ADCY2: variants seen among roughly 807,000 people sequenced by gnomAD.
The protein encoded by ADCY2 is adenylate cyclase 2.
A neutral mutation model predicts 125.2 loss-of-function variants in ADCY2; 31 were observed. That is an observed-to-expected ratio of 0.25 (90% CI 0.19 to 0.33). The LOEUF (loss-of-function observed/expected upper bound fraction) is 0.33, where lower values mean the gene tolerates loss of function less well. Among genes scored for constraint, ADCY2 ranks in the 10% least tolerant of loss-of-function variants. The pLI is 1.00. For synonymous variants in ADCY2, 512 were observed against 548.4 expected (o/e 0.93, Z 0.93); for missense variants, 904 against 1,418.2 (o/e 0.64, Z 5.82).
intron 4 of ADCY2, among the ~76,000 whole-genome samples, chr5:7,667,167 GCAGCTACTTC>G (rs1739785375): frequency 6.6e-6 from 1 of 152,106 alleles, no homozygotes; most frequent in Non-Finnish European, 1.5e-5. Context: ...GAGGATTACT[GCAGCTACTTC>G]CAGGCTTTTC....
intron 12 of ADCY2, among the ~76,000 whole-genome samples, chr5:7,721,127 T>G (rs1378282861): frequency 6.6e-6 from 1 of 152,224 alleles, no homozygotes; most frequent in Non-Finnish European, 1.5e-5. Flanking sequence ...TGGTTTTGAT[T>G]TGCATTTCTC....
chr5:7,543,089 C>T (rs1458797671), intron 3 of ADCY2, among the ~76,000 whole-genome samples: 5 of 152,032 alleles, frequency 3.3e-5, no homozygotes, highest in Admixed American at 1.3e-4. Context: ...TTAATACATC[C>T]TATGTTATAT....
At chr5:7,781,662 A>G (rs185413476) in intron 18 of ADCY2, among the ~76,000 whole-genome samples, 2 of 152,288 alleles carry the variant, frequency 1.3e-5, no homozygotes, top group East Asian at 1.9e-4. Flanking sequence ...GAGATGATAC[A>G]TTTGTGTTAT....
intron 3 of ADCY2, among the ~76,000 whole-genome samples, chr5:7,565,032 A>G (rs978895594): frequency 1.3e-5 from 2 of 152,214 alleles, no homozygotes; most frequent in Non-Finnish European, 2.9e-5. Flanking sequence ...TTATCACTTA[A>G]CAAATAGAAA....
chr5:7,454,339 C>T (rs1741586988), intron 2 of ADCY2, among the ~76,000 whole-genome samples: 1 of 152,116 alleles, frequency 6.6e-6, no homozygotes, highest in Admixed American at 6.5e-5. Flanking sequence ...TTTTTATATG[C>T]ACTGGGAAAC....
chr5:7,819,181 T>A (rs1278467883), intron 23 of ADCY2, among the ~76,000 whole-genome samples: 1 of 152,172 alleles, frequency 6.6e-6, no homozygotes, highest in Non-Finnish European at 1.5e-5. Flanking sequence ...CCCACTCACA[T>A]TGAGGGTGGG....
At chr5:7,757,384 A>T (rs940798291) in intron 15 of ADCY2, 65 bp from the exon 16 acceptor site, 36 of 1,570,344 alleles carry the variant, frequency 2.3e-5, no homozygotes, top group Non-Finnish European at 6.1e-6. Context: ...AAACATTGTC[A>T]TCAAGAAACT....
At chr5:7,693,417 T>TG (rs1466629207) in intron 5 of ADCY2, among the ~76,000 whole-genome samples, 2 of 133,124 alleles carry the variant, frequency 1.5e-5, no homozygotes, top group Admixed American at 7.3e-5. Flanking sequence ...TTTTTTGTTT[T>TG]TTTTTTTTTT....
At chr5:7,483,493 C>T (rs1742812573) in intron 2 of ADCY2, among the ~76,000 whole-genome samples, 1 of 152,048 alleles carries the variant, frequency 6.6e-6, no homozygotes, top group South Asian at 2.1e-4. Context: ...GAAAACATTT[C>T]ATTTCATGAA....
At position 7,544,034 on chromosome 5, in the gene ADCY2, A is replaced by T. The variant is rs1430388953; in HGVS notation, c.570+23135A>T. Among the ~76,000 whole-genome samples the T allele has an allele frequency of 9.9e-5, 15 of 151,286 alleles. 1 individual carries two copies. The South Asian group carries it at 3.2e-3, about 32-fold the overall frequency. On this transcript the variant is annotated intron_variant, in intron 3 of 24. Coordinates refer to ENST00000338316, the MANE Select transcript of ADCY2 (RefSeq NM_020546.3). ...GTCTCAAAAAAAAAAAAAAAAAAAAAAAAAGATTGTCCCCATTAGGCCTGA... is the reference window on the plus strand; with the variant it reads ...GTCTCAAAAAAAAAAAAAAAAAAAATAAAAGATTGTCCCCATTAGGCCTGA...
intron 2 of ADCY2, among the ~76,000 whole-genome samples, chr5:7,505,780 G>A (rs897274511): frequency 6.6e-6 from 1 of 152,098 alleles, no homozygotes; most frequent in Admixed American, 6.6e-5. Flanking sequence ...GTATAAAACG[G>A]AGTCCCAAAA....
At chr5:7,809,725 A>C (rs1415126017) in intron 22 of ADCY2, among the ~76,000 whole-genome samples, 1 of 152,234 alleles carries the variant, frequency 6.6e-6, no homozygotes. Flanking sequence ...AAACAAGTGC[A>C]CAGAAGTATA....
At chr5:7,757,307 G>T (rs1397096308) in intron 15 of ADCY2, 142 bp from the exon 16 acceptor site, 32 of 1,046,360 alleles carry the variant, frequency 3.1e-5, no homozygotes, top group Non-Finnish European at 4.3e-5. Context: ...ACTTCGTATG[G>T]GTCCCCAGGG....
chr5:7,541,911 A>T (rs544429522), intron 3 of ADCY2, among the ~76,000 whole-genome samples: 1 of 152,378 alleles, frequency 6.6e-6, no homozygotes, highest in South Asian at 2.1e-4. Context: ...ATGAAATGCA[A>T]CTATTTCCAC....
At chr5:7,531,525 A>G (rs1480644811) in intron 3 of ADCY2, among the ~76,000 whole-genome samples, 1 of 152,150 alleles carries the variant, frequency 6.6e-6, no homozygotes, top group African/African-American at 2.4e-5. Flanking sequence ...TCTCACAGAA[A>G]TCAAAACCAA....
At chr5:7,519,788 G>T (rs371085730) in intron 2 of ADCY2, among the ~76,000 whole-genome samples, 2 of 152,248 alleles carry the variant, frequency 1.3e-5, no homozygotes, top group East Asian at 1.9e-4. Flanking sequence ...CGTGCACCTA[G>T]TCAGCAGCTA....
chr5:7,504,851 C>T (rs565890963), intron 2 of ADCY2, among the ~76,000 whole-genome samples: 2 of 151,560 alleles, frequency 1.3e-5, no homozygotes, highest in Non-Finnish European at 2.9e-5. Context: ...TTAAAGTATA[C>T]TACTGCATTC....
intron 2 of ADCY2, among the ~76,000 whole-genome samples, chr5:7,492,906 T>C (rs1252865113): frequency 6.6e-6 from 1 of 152,080 alleles, no homozygotes; most frequent in South Asian, 2.1e-4. Context: ...GCTGTGGCTG[T>C]GATGAGACCC....
At chr5:7,733,015 C>T (rs1313119418) in intron 14 of ADCY2, among the ~76,000 whole-genome samples, 1 of 152,192 alleles carries the variant, frequency 6.6e-6, no homozygotes, top group Non-Finnish European at 1.5e-5. Context: ...AATGATCAAG[C>T]ATGAATTGCT....
Sources: gnomAD v4.1 joint callset for allele counts (sites outside exome capture counted in the v4.1 genomes callset) on GRCh38, gnomAD v4.1.1 for gene constraint, MANE v1.5 for transcripts, NCBI Gene and HGNC (gene_info 2026-07-23, HGNC 2026-07-21) for gene names.